Variants in CTNNA3 observed in about 807,000 individuals in gnomAD.
The protein encoded by CTNNA3 is catenin alpha 3, also known as catenin alpha-3.
In CTNNA3, 76 loss-of-function variants were observed where a neutral mutation model predicts 95.7. That is an observed-to-expected ratio of 0.79 (90% CI 0.66 to 0.96). The LOEUF (loss-of-function observed/expected upper bound fraction) is 0.96, where lower values mean the gene tolerates loss of function less well. Among genes scored for constraint, CTNNA3 ranks in the 40% least tolerant of loss-of-function variants. The pLI is 0.00. For synonymous variants in CTNNA3, 431 were observed against 374.4 expected, an observed-to-expected ratio of 1.15 and a Z score of -1.74; for missense variants, 1,191 against 1,089.8, an observed-to-expected ratio of 1.09 and a Z score of -1.31.
At position 67,198,492 on chromosome 10, in the gene CTNNA3, C is replaced by A. The variant is rs1863481559; in HGVS notation, c.844-17972G>T. On this transcript the variant is annotated intron_variant, in intron 6 of 17. Transcript: ENST00000433211. Reference sequence around the variant, plus strand: ...CTTATGTGGCTAGGATATAGAGATACTGAGCATCAGTGGGAAGACAGGGAA... The same window carrying A: ...CTTATGTGGCTAGGATATAGAGATAATGAGCATCAGTGGGAAGACAGGGAA... 2.0e-5 allele frequency among the ~76,000 whole-genome samples: 3 copies of A among 152,084 alleles called. No individual in the cohort carries two copies. In the South Asian group the frequency reaches 6.2e-4, roughly 31 times the overall value.
chr10:66,948,805 A>G (rs1220436137), intron 7 of CTNNA3, among the ~76,000 whole-genome samples: 2 of 152,166 alleles, frequency 1.3e-5, no homozygotes, highest in East Asian at 3.9e-4. Context: ...CAGAAACTCA[A>G]TGTGAATCCA....
intron 13 of CTNNA3, among the ~76,000 whole-genome samples, chr10:66,108,183 T>C (rs889016357): frequency 6.6e-6 from 1 of 152,046 alleles, no homozygotes; most frequent in Non-Finnish European, 1.5e-5. Context: ...TAAAAATATA[T>C]CAATGACACA....
chr10:67,403,221 A>C, intron 5 of CTNNA3: 1 of 152,492 alleles, frequency 6.6e-6, no homozygotes, highest in East Asian at 1.9e-4. Context: ...ACCCCAATCC[A>C]TTCCACCCCA....
chr10:67,637,067 A>G (rs773037991), intron 2 of CTNNA3, among the ~76,000 whole-genome samples: 35 of 152,202 alleles, frequency 2.3e-4, no homozygotes, highest in Non-Finnish European at 5.0e-4. Flanking sequence ...AACTTCTCCG[A>G]GCTAAAGGAG....
chr10:66,039,724 T>C (rs990093829), intron 15 of CTNNA3, among the ~76,000 whole-genome samples: 1 of 152,008 alleles, frequency 6.6e-6, no homozygotes, highest in Non-Finnish European at 1.5e-5. Context: ...TACACAAAAA[T>C]TAACTCAAGA....
chr10:66,671,584 CTAAA>C (rs1343152947), intron 9 of CTNNA3, among the ~76,000 whole-genome samples: 1 of 152,064 alleles, frequency 6.6e-6, no homozygotes, highest in Non-Finnish European at 1.5e-5. Context: ...TTGTTAAACC[CTAAA>C]TAGTTATAAT....
intron 5 of CTNNA3, chr10:67,334,853 G>T: frequency 6.0e-6 from 1 of 166,594 alleles, no homozygotes; most frequent in South Asian, 1.7e-4. Context: ...GCTAGAAAAG[G>T]CAAAGACTAA....
chr10:66,595,747 C>A (rs1843693357), intron 10 of CTNNA3, among the ~76,000 whole-genome samples: 1 of 152,062 alleles, frequency 6.6e-6, no homozygotes, highest in Admixed American at 6.6e-5. Flanking sequence ...AATGATCCTC[C>A]CCCCTTAGCC....
At chr10:67,210,012 T>A (rs954018252) in intron 6 of CTNNA3, among the ~76,000 whole-genome samples, 5 of 151,916 alleles carry the variant, frequency 3.3e-5, no homozygotes, top group African/African-American at 1.2e-4. Flanking sequence ...TATAAGTTAA[T>A]AAAAATAAAA....
At chr10:67,426,064 G>A (rs1409894815) in intron 5 of CTNNA3, among the ~76,000 whole-genome samples, 4 of 152,040 alleles carry the variant, frequency 2.6e-5, no homozygotes, top group Non-Finnish European at 2.9e-5. Context: ...AAACACACAC[G>A]AGTGTTCCAG....
rs371179942 is a variant in CTNNA3, at chr10:67,741,390, C to T, written c.-2+22044G>A. Among the ~76,000 whole-genome samples, 24 of 144,498 alleles carry T rather than the reference C, an allele frequency of 1.7e-4. No homozygotes were observed. In the East Asian group the frequency reaches 2.4e-3, roughly 14 times the overall value. 94.8% of individuals were successfully genotyped at this position (144,498 alleles called of 152,430 possible). On this transcript the variant is annotated intron_variant, in intron 1 of 17. Transcript: ENST00000684154. ...GAAAAGAATTTTCAACCCAGAATTTCATATCCAGCCAAACTAAGCTTCATA... is the reference window on the plus strand; with the variant it reads ...GAAAAGAATTTTCAACCCAGAATTTTATATCCAGCCAAACTAAGCTTCATA...
At chr10:67,748,934 A>G (rs1841387530) in intron 1 of CTNNA3, among the ~76,000 whole-genome samples, 1 of 152,056 alleles carries the variant, frequency 6.6e-6, no homozygotes, top group Admixed American at 6.6e-5. Flanking sequence ...TAATTTGTCA[A>G]GCTCAAAATA....
chr10:66,192,389 T>C (rs2131888303), intron 13 of CTNNA3, among the ~76,000 whole-genome samples: 1 of 152,300 alleles, frequency 6.6e-6, no homozygotes, highest in African/African-American at 2.4e-5. Flanking sequence ...TGCTACAGAA[T>C]AAGAAGAGCC....
Position 66,927,478 on chromosome 10 carries a change from C to T in CTNNA3, c.1048-151954G>A. On this transcript the variant is annotated intron_variant, in intron 7 of 17. Transcript: ENST00000433211. The surrounding 1 kb of genome is among the most constrained non-coding windows in gnomAD (Gnocchi z 4.7). ...CTGCCGCAACCTGGAACTTTTGGACCTGGGATATAACCGGATCCGAAGTTT... is the reference window on the plus strand; with the variant it reads ...CTGCCGCAACCTGGAACTTTTGGACTTGGGATATAACCGGATCCGAAGTTT... 1 of 1,614,056 alleles carries T rather than the reference C, an allele frequency of 6.2e-7. No individual in the cohort carries two copies. The highest frequency in any genetic ancestry group is 8.5e-7 in the Non-Finnish European group (1 of 1,180,010).
In CTNNA3 at chr10:66,653,630, A is replaced by C. The variant is rs370590994; in HGVS notation, c.1282-31846T>G. 1.4e-4 allele frequency among the ~76,000 whole-genome samples: 21 copies of C among 152,258 alleles called. No individual in the cohort carries two copies. In the East Asian group the frequency reaches 1.9e-3, roughly 14 times the overall value. ...TAAAATTCATATGCAAGCACAAAAG[A>C]TGCTGAATAGCCAAAGCAATCTTGA... On this transcript the variant is annotated intron_variant, in intron 9 of 17. Transcript: ENST00000433211.
chr10:67,470,414 G>A (rs1300179201), intron 5 of CTNNA3, among the ~76,000 whole-genome samples: 1 of 152,138 alleles, frequency 6.6e-6, no homozygotes, highest in African/African-American at 2.4e-5. Flanking sequence ...AAAAATAAGA[G>A]TACAGATATC....
chr10:66,179,274 C>A (rs948443490), intron 13 of CTNNA3, among the ~76,000 whole-genome samples: 13 of 151,886 alleles, frequency 8.6e-5, no homozygotes, highest in African/African-American at 2.9e-4. Flanking sequence ...AATCTCCAGA[C>A]TTACGTTGAG....
At chr10:66,939,184 C>G (rs1847873589) in intron 7 of CTNNA3, among the ~76,000 whole-genome samples, 1 of 152,110 alleles carries the variant, frequency 6.6e-6, no homozygotes, top group African/African-American at 2.4e-5. Context: ...TTTTTACCTC[C>G]TAAAAGCTGA....
chr10:65,922,836 T>C (rs953438543), intron 17 of CTNNA3, among the ~76,000 whole-genome samples: 2 of 152,170 alleles, frequency 1.3e-5, no homozygotes, highest in South Asian at 2.1e-4. Flanking sequence ...AGAGGTTTAA[T>C]TGACTCACAG....
Sources: gnomAD v4.1 joint callset for allele counts (sites outside exome capture counted in the v4.1 genomes callset) on GRCh38, gnomAD v4.1.1 for gene constraint, Gnocchi (gnomAD v3.1) non-coding constraint, MANE v1.5 for transcripts, NCBI Gene and HGNC (gene_info 2026-07-23, HGNC 2026-07-21) for gene names.